The following RBFOX1 variants were observed in gnomAD, a reference collection of about 807,000 sequenced individuals.
RBFOX1 encodes RNA binding protein fox-1 homolog 1.
In RBFOX1, 8 loss-of-function variants were observed where a neutral mutation model predicts 57.7. The ratio of observed to expected loss-of-function variants is 0.14; its 90% confidence interval spans 0.08 to 0.25. The LOEUF (loss-of-function observed/expected upper bound fraction) is 0.25, where lower values mean the gene tolerates loss of function less well. Ranked by LOEUF, RBFOX1 falls within the 10% of genes least tolerant of loss-of-function variation. The pLI is 1.00. For missense variants in RBFOX1, 611 were observed against 548.5 expected, an observed-to-expected ratio of 1.11 and a Z score of -1.14; for synonymous variants, 326 against 222.4, an observed-to-expected ratio of 1.47 and a Z score of -4.15.
intron 2 of RBFOX1, among the ~76,000 whole-genome samples, chr16:6,344,725 C>G (rs546266062): frequency 1.3e-3 from 149 of 118,328 alleles, no homozygotes; most frequent in Non-Finnish European, 1.9e-3. Flanking sequence ...TGAGACTGCT[C>G]TGTCGCCAAG....
At chr16:5,538,050 C>T (rs576561785) in intron 2 of RBFOX1, among the ~76,000 whole-genome samples, 10 of 152,230 alleles carry the variant, frequency 6.6e-5, no homozygotes, top group East Asian at 5.8e-4. Context: ...TGGTGACACA[C>T]GAGCCTGGAG....
At chr16:6,133,343 G>C (rs57947169) in intron 1 of RBFOX1, among the ~76,000 whole-genome samples, 8,015 of 152,250 alleles carry the variant, frequency 0.053, 297 homozygotes, top group East Asian at 0.2. Flanking sequence ...CAGAGGCAGA[G>C]CCTGCGTTCT....
At chr16:6,569,858 T>C (rs970195400) in intron 2 of RBFOX1, among the ~76,000 whole-genome samples, 1 of 152,232 alleles carries the variant, frequency 6.6e-6, no homozygotes, top group Non-Finnish European at 1.5e-5. Flanking sequence ...TTTATATCTT[T>C]TGAAATCCAA....
At chr16:6,873,246 G>C (rs1311406540) in intron 3 of RBFOX1, among the ~76,000 whole-genome samples, 2 of 152,028 alleles carry the variant, frequency 1.3e-5, no homozygotes, top group Non-Finnish European at 2.9e-5. Context: ...GTATGAAATG[G>C]ATTTTTAATT....
At chr16:6,841,893 C>G (rs897763881) in intron 3 of RBFOX1, among the ~76,000 whole-genome samples, 4 of 151,742 alleles carry the variant, frequency 2.6e-5, no homozygotes, top group East Asian at 3.9e-4. Context: ...AATCCTAGCA[C>G]TTTGGGAGGT....
At chr16:6,982,070 C>T (rs1034948649) in intron 3 of RBFOX1, among the ~76,000 whole-genome samples, 4 of 152,110 alleles carry the variant, frequency 2.6e-5, no homozygotes, top group African/African-American at 4.8e-5. Context: ...TCATGATATA[C>T]TCATGTTGGT....
intron 2 of RBFOX1, among the ~76,000 whole-genome samples, chr16:6,564,363 C>T (rs572167745): frequency 1.3e-5 from 2 of 151,986 alleles, no homozygotes; most frequent in East Asian, 1.9e-4. Context: ...ATACTGTGTT[C>T]GTAAAAACAT....
At chr16:7,047,716 CTTTTTTTTTTTTT>C (rs55636828) in intron 3 of RBFOX1, among the ~76,000 whole-genome samples, 742 of 47,960 alleles carry the variant, frequency 0.015, 8 homozygotes, top group African/African-American at 0.043. Flanking sequence ...TCCTGCATTT[CTTTTTTTTTTTTT>C]TTTTTTTTTT....
chr16:6,727,759 T>C (rs767231287), intron 3 of RBFOX1, among the ~76,000 whole-genome samples: 17 of 152,158 alleles, frequency 1.1e-4, no homozygotes, highest in Non-Finnish European at 2.5e-4. Context: ...CTGAGTTCAG[T>C]AGCATCCGTC....
chr16:6,301,535 C>G (rs1472830419), intron 1 of RBFOX1, among the ~76,000 whole-genome samples: 1 of 151,936 alleles, frequency 6.6e-6, no homozygotes. Context: ...GTAAAATTAA[C>G]TCCATGTTGT....
At chr16:5,394,502 T>A (rs548596891) in intron 1 of RBFOX1, among the ~76,000 whole-genome samples, 9 of 152,124 alleles carry the variant, frequency 5.9e-5, no homozygotes, top group Admixed American at 2.0e-4. Flanking sequence ...ATCTCAAATC[T>A]CTTTTTTACC....
At chr16:5,326,047 G>T (rs924011125) in intron 1 of RBFOX1, among the ~76,000 whole-genome samples, 2 of 152,242 alleles carry the variant, frequency 1.3e-5, no homozygotes, top group South Asian at 4.2e-4. Flanking sequence ...TAAGAGTTTG[G>T]CATCAGAGTT....
At chr16:7,640,265 C>G (rs1341138993) in intron 11 of RBFOX1, among the ~76,000 whole-genome samples, 1 of 152,210 alleles carries the variant, frequency 6.6e-6, no homozygotes, top group African/African-American at 2.4e-5. Context: ...AGTAGAACCT[C>G]TCACCCCCAG....
intron 4 of RBFOX1, among the ~76,000 whole-genome samples, chr16:6,007,745 A>G (rs2094935821): frequency 6.6e-6 from 1 of 152,202 alleles, no homozygotes; most frequent in African/African-American, 2.4e-5. Context: ...CCTGGAAGAT[A>G]GCCAGGCGAT....
intron 2 of RBFOX1, among the ~76,000 whole-genome samples, chr16:6,363,936 C>T (rs2089099437): frequency 6.6e-6 from 1 of 151,876 alleles, no homozygotes; most frequent in Non-Finnish European, 1.5e-5. Context: ...TCATATCGTA[C>T]AATAAAAAGA....
chr16:5,349,605 G>A (rs931829820), intron 1 of RBFOX1, among the ~76,000 whole-genome samples: 2 of 24,074 alleles, frequency 8.3e-5, no homozygotes, highest in East Asian at 1.4e-3. Flanking sequence ...ACAGGGAGGC[G>A]GAGGTTTCAG....
chr16:7,349,491 C>T (rs1166497318), intron 4 of RBFOX1, among the ~76,000 whole-genome samples: 2 of 152,246 alleles, frequency 1.3e-5, no homozygotes, highest in East Asian at 3.9e-4. Flanking sequence ...GGTCTGCCAG[C>T]CAGTCCTTGT....
chr16:5,952,335 G>C (rs1185639688), intron 4 of RBFOX1, among the ~76,000 whole-genome samples: 1 of 151,954 alleles, frequency 6.6e-6, no homozygotes, highest in Non-Finnish European at 1.5e-5. Flanking sequence ...ATTTTTCGTA[G>C]AGATGGGGTT....
chr16:6,023,173 C>T (rs940101762), intron 1 of RBFOX1, among the ~76,000 whole-genome samples: 7 of 152,050 alleles, frequency 4.6e-5, no homozygotes, highest in African/African-American at 1.7e-4. Flanking sequence ...CAGAGTTTTC[C>T]ACTCAGAAAT....
Sources: allele counts gnomAD v4.1 joint callset (sites outside exome capture counted in the v4.1 genomes callset), GRCh38; gene constraint gnomAD v4.1.1; transcripts MANE v1.5; gene names NCBI Gene and HGNC (gene_info 2026-07-23, HGNC 2026-07-21).